Variants in HCRTR1 observed in about 807,000 individuals in gnomAD.
HCRTR1 encodes hypocretin receptor 1, also known as orexin/Hypocretin receptor type 1.
Under a neutral mutation model 40.6 loss-of-function variants are expected in HCRTR1, and 28 were observed. The observed-to-expected ratio is 0.69, with a 90% CI of 0.51 to 0.95. The LOEUF (loss-of-function observed/expected upper bound fraction) is 0.95, where lower values mean the gene tolerates loss of function less well. Ranked by LOEUF, HCRTR1 falls within the 40% of genes least tolerant of loss-of-function variation. The pLI is 0.00. For missense variants in HCRTR1, 482 were observed against 564.7 expected (o/e 0.85, Z 1.48); for synonymous variants, 209 against 230.0 (o/e 0.91, Z 0.83).
rs1042170102 is a variant in HCRTR1, at chr1:31,623,650, A to G, written c.866A>G (p.Gln289Arg). The change falls in exon 7 of 9, where the codon CAG (glutamine) becomes CGG (arginine). Residue 289 changes from glutamine (Q) to arginine (R), a missense_variant. By Grantham distance (43) the Gln-to-Arg change is conservative. Transcript: ENST00000403528. ...RARAFLAEVKQMRARRKTAKM... is the reference protein window; with the variant it reads ...RARAFLAEVKRMRARRKTAKM... ...CGCGCCTTCCTGGCTGAAGTGAAGCAGATGCGTGCACGGAGGAAGACAGCC... is the reference window on the plus strand; with the variant it reads ...CGCGCCTTCCTGGCTGAAGTGAAGCGGATGCGTGCACGGAGGAAGACAGCC... The G allele has an allele frequency of 3.1e-6, 5 of 1,613,966 alleles. No homozygotes were observed. Among genetic ancestry groups the G allele is most frequent in the Non-Finnish European group, 4.2e-6 (5 of 1,180,048 alleles).
chr1:31,623,685 A>AT lies in HCRTR1; in HGVS notation c.902dup (p.Met301IlefsTer21). Reference sequence around the variant, plus strand: ...ACGGAGGAAGACAGCCAAGATGCTGATGGTGGTGCTGCTGGTCTTCGCCCT... The same window carrying AT: ...ACGGAGGAAGACAGCCAAGATGCTGATTGGTGGTGCTGCTGGTCTTCGCCCT... On this transcript the variant is annotated frameshift_variant, in exon 7 of 9. Transcript: ENST00000403528. LOFTEE classifies it high-confidence loss of function. 1 of 1,614,144 alleles carries AT rather than the reference A, an allele frequency of 6.2e-7. No individual in the cohort carries two copies. Among genetic ancestry groups the AT allele is most frequent in the Non-Finnish European group, 8.5e-7 (1 of 1,180,032 alleles).
chr1:31,631,746 G>A (rs1237450622), downstream of HCRTR1, among the ~76,000 whole-genome samples: 1 of 152,188 alleles, frequency 6.6e-6, no homozygotes, highest in Non-Finnish European at 1.5e-5. Context: ...GACAAAAGCT[G>A]GCAAGAGTAG....
downstream of HCRTR1, chr1:31,630,553 TCTCA>T (rs1465920277): frequency 2.0e-6 from 3 of 1,479,598 alleles, no homozygotes; most frequent in Non-Finnish European, 2.8e-6. Context: ...CACATACTTC[TCTCA>T]CTCTAAGAAG....
At chr1:31,624,379 C>T (rs1435172882) in intron 7 of HCRTR1, among the ~76,000 whole-genome samples, 1 of 146,848 alleles carries the variant, frequency 6.8e-6, no homozygotes, top group African/African-American at 2.6e-5. Context: ...TAGCTTGAGC[C>T]CAGGAGGTTG....
chr1:31,624,744 A>G (rs1639937376), intron 7 of HCRTR1, among the ~76,000 whole-genome samples: 1 of 152,178 alleles, frequency 6.6e-6, no homozygotes, highest in South Asian at 2.1e-4. Flanking sequence ...AGGATGGATG[A>G]GAAAGTGGAT....
rs546777022 is a variant in HCRTR1 at position 31,626,569 on chromosome 1, G to A, written c.1088-221G>A. On this transcript the variant is annotated intron_variant, in intron 8 of 8. Transcript: ENST00000403528. The surrounding 1 kb of genome is among the most constrained non-coding windows in gnomAD (Gnocchi z 4.6). ...CCAGAGCACAGTCAAGGAATCAGATGGCAATTGCGTCTCTCCTTGGGAACC... is the reference window on the plus strand; with the variant it reads ...CCAGAGCACAGTCAAGGAATCAGATAGCAATTGCGTCTCTCCTTGGGAACC... Among the ~76,000 whole-genome samples the A allele has an allele frequency of 8.5e-5, 13 of 152,220 alleles. No homozygotes were observed. The highest frequency in any genetic ancestry group is 3.4e-3 in the Middle Eastern group (1 of 294).
chr1:31,630,589 C>T (rs1296116192), downstream of HCRTR1: 1 of 1,607,030 alleles, frequency 6.2e-7, no homozygotes, highest in Admixed American at 1.7e-5. Context: ...CCCTGGTGCA[C>T]TCCACTCTCC....
rs200582952 is a variant in HCRTR1 at position 31,623,510 on chromosome 1, G to T, written c.739-13G>T. 1.7e-4 allele frequency: 272 copies of T among 1,605,526 alleles called. No homozygotes were observed. The highest frequency in any genetic ancestry group is 2.3e-4 in the Non-Finnish European group (265 of 1,175,444). On this transcript the variant is annotated splice_polypyrimidine_tract_variant and intron_variant, in intron 6 of 8. Coordinates refer to ENST00000403528, the MANE Select transcript of HCRTR1 (RefSeq NM_001525.3). ...CTGTACCCACCACTGCTGTCTCTAT[G>T]TGTGCTGGACAGATCCCCGGCACCA...
Position 31,619,550 on chromosome 1 carries a change from G to T in HCRTR1, c.218G>T (p.Arg73Leu). 1.2e-6 allele frequency: 2 copies of T among 1,614,042 alleles called. No individual in the cohort carries two copies. The highest frequency in any genetic ancestry group is 1.7e-6 in the Non-Finnish European group (2 of 1,179,988). The change falls in exon 4 of 9, where the codon CGG becomes CTG. Residue 73 changes from arginine (R) to leucine (L), a missense_variant. Arg to Leu is a moderately radical substitution (Grantham distance 102, BLOSUM62 -2). Transcript: ENST00000403528. ...GNTLVCLAVW[R>L]NHHMRTVTNY... ...CCTGCAGTCTGCCTGGCCGTGTGGC[G>T]GAACCACCACATGAGGACAGTCACC...
chr1:31,631,898 C>G (rs937373248), downstream of HCRTR1, among the ~76,000 whole-genome samples: 3 of 146,062 alleles, frequency 2.1e-5, no homozygotes, highest in Non-Finnish European at 4.6e-5. Flanking sequence ...TTTCTCCCTC[C>G]TGGGTGGCAA....
intron 6 of HCRTR1, among the ~76,000 whole-genome samples, chr1:31,622,550 G>A (rs535930694): frequency 7.2e-5 from 11 of 152,176 alleles, no homozygotes; most frequent in South Asian, 4.2e-4. Flanking sequence ...ACACAGGCAC[G>A]ATCCTCCTCA....
intron 6 of HCRTR1, among the ~76,000 whole-genome samples, chr1:31,622,498 A>G (rs1446563319): frequency 6.6e-6 from 1 of 152,028 alleles, no homozygotes; most frequent in Non-Finnish European, 1.5e-5. Context: ...TAGTCCACCA[A>G]CACTCATCAT....
downstream of HCRTR1, chr1:31,632,761 C>T: frequency 2.5e-6 from 3 of 1,183,514 alleles, no homozygotes; most frequent in South Asian, 1.5e-5. Context: ...CAGAACCAAG[C>T]CCTGAGGCCC....
rs2148612869 is a variant in HCRTR1 at position 31,627,496 on chromosome 1, G to A, written c.*516G>A. On this transcript the variant is annotated 3_prime_UTR_variant, in exon 9 of 9. Coordinates refer to ENST00000403528, the MANE Select transcript of HCRTR1 (RefSeq NM_001525.3). ...CAGCCCCACCCTAACCAGGTGCCAA[G>A]GGCACACACCACAGACCCGACCTTG... The A allele has an allele frequency of 1.8e-6, 1 of 563,316 alleles. No homozygotes were observed. 34.9% of individuals were successfully genotyped at this position (563,316 alleles called of 1,614,324 possible). A position where few individuals can be genotyped will look rare whatever the true frequency, so the allele number is the denominator to read the frequency against.
At chr1:31,632,339 A>G (rs528437049), downstream of HCRTR1, 1 of 1,324,196 alleles carries the variant, frequency 7.6e-7, no homozygotes, top group South Asian at 1.2e-5. Context: ...AGCTGGGTCA[A>G]AGAAGGGGTG....
rs376340063 is a variant in HCRTR1 at position 31,619,157 on chromosome 1, C to T, written c.-36C>T. On this transcript the variant is annotated 5_prime_UTR_variant, in exon 3 of 9. Transcript: ENST00000403528. ...GCTCCCTCCTCTCCCTCTGTAGAGC[C>T]TAGGATGCCCCTCTGCTGCAGCGGC... 4 of 1,582,212 alleles carry T rather than the reference C, an allele frequency of 2.5e-6. No individual in the cohort carries two copies. The highest frequency in any genetic ancestry group is 1.8e-4 in the Middle Eastern group (1 of 5,680).
intron 4 of HCRTR1, 85 bp from the exon 5 acceptor site, chr1:31,620,758 C>A: frequency 1.3e-6 from 2 of 1,535,236 alleles, no homozygotes; most frequent in Non-Finnish European, 1.8e-6. Context: ...CACTGCCCTG[C>A]ACCTGCCGTC....
In HCRTR1 at chr1:31,619,283, T is replaced by A; in HGVS notation, c.91T>A (p.Phe31Ile). Residue 31 changes from phenylalanine (F) to isoleucine (I), a missense_variant, in exon 3 of 9, where the codon TTT (phenylalanine) becomes ATT (isoleucine). By Grantham distance (21) the Phe-to-Ile change is conservative. Coordinates refer to ENST00000403528, the MANE Select transcript of HCRTR1 (RefSeq NM_001525.3). ...TGTGCCTCCAGACTATGAAGATGAG[T>A]TTCTCCGCTATCTGTGGCGCGATTA... ...SPVPPDYEDE[F>I]LRYLWRDYLY... The A allele has an allele frequency of 6.2e-7, 1 of 1,614,080 alleles. No homozygotes were observed. Among genetic ancestry groups the A allele is most frequent in the Non-Finnish European group, 8.5e-7 (1 of 1,180,010 alleles).
At chr1:31,627,676 G>A (rs1263272355), downstream of HCRTR1, 2 of 277,500 alleles carry the variant, frequency 7.2e-6, no homozygotes, top group East Asian at 2.0e-4. Context: ...GAAGAAGGTG[G>A]GGAAGCTGGG....
Sources: allele counts gnomAD v4.1 joint callset (sites outside exome capture counted in the v4.1 genomes callset), GRCh38; gene constraint gnomAD v4.1.1; non-coding constraint Gnocchi (gnomAD v3.1); transcripts MANE v1.5; gene names NCBI Gene and HGNC (gene_info 2026-07-23, HGNC 2026-07-21).